Variants in TCF12 observed in about 807,000 individuals in gnomAD.
The protein encoded by TCF12 is transcription factor 12.
Under a neutral mutation model 86.0 loss-of-function variants are expected in TCF12, and 45 were observed. The observed-to-expected ratio is 0.52, with a 90% confidence interval of 0.41 to 0.67. The LOEUF is 0.67. Ranked by LOEUF, TCF12 falls within the 30% of genes least tolerant of loss-of-function variation. The probability of loss-of-function intolerance (pLI) is 0.00; values close to 1 mark genes in which losing one functional copy is unlikely to be tolerated. For synonymous variants in TCF12, 330 were observed against 299.6 expected, an observed-to-expected ratio of 1.10 and a Z score of -1.05; for missense variants, 881 against 859.9, an observed-to-expected ratio of 1.02 and a Z score of -0.31.
At chr15:57,232,623 G>A in intron 10 of TCF12, 89 bp from the exon 11 acceptor site, 1 of 1,466,054 alleles carries the variant, frequency 6.8e-7, no homozygotes, top group Non-Finnish European at 9.2e-7. Context: ...ACTTGTAAAT[G>A]CTCTTTTTGA....
chr15:57,133,626 T>G (rs559834400), intron 5 of TCF12, among the ~76,000 whole-genome samples: 8 of 128,888 alleles, frequency 6.2e-5, no homozygotes, highest in East Asian at 4.0e-4. Context: ...AGTAATGTGT[T>G]TTTTTTTTTT....
intron 3 of TCF12, among the ~76,000 whole-genome samples, chr15:56,928,270 A>G (rs868755609): frequency 1.3e-5 from 2 of 152,144 alleles, no homozygotes; most frequent in Non-Finnish European, 2.9e-5. Context: ...TTTTTTTCCT[A>G]TAAAGCTGCT....
intron 5 of TCF12, among the ~76,000 whole-genome samples, chr15:57,134,668 A>G (rs1391927213): frequency 6.6e-6 from 1 of 152,190 alleles, no homozygotes; most frequent in East Asian, 1.9e-4. Flanking sequence ...ATCATTCATT[A>G]TTTTGCCAGA....
Position 57,241,365 on chromosome 15 carries a change from T to G in TCF12, c.1036-2107T>G, listed in dbSNP as rs532823414. On this transcript the variant is annotated intron_variant, in intron 12 of 20. Coordinates refer to ENST00000333725, the MANE Select transcript of TCF12 (RefSeq NM_207037.2). Reference sequence around the variant, plus strand: ...CCTCGGCCTCCCAAAGTGCTGGGATTATAGGCGTGAGCTACCGCACCCGGC... The same window carrying G: ...CCTCGGCCTCCCAAAGTGCTGGGATGATAGGCGTGAGCTACCGCACCCGGC... Among the ~76,000 whole-genome samples the G allele has an allele frequency of 2.0e-5, 3 of 152,256 alleles. No homozygotes were observed. In the South Asian group the frequency reaches 6.2e-4, roughly 32 times the overall value.
At chr15:57,283,487 A>G (rs2061790169) in intron 20 of TCF12, among the ~76,000 whole-genome samples, 1 of 151,886 alleles carries the variant, frequency 6.6e-6, no homozygotes, top group East Asian at 1.9e-4. Flanking sequence ...CTGGTCTCGA[A>G]CTCCTAACCT....
intron 4 of TCF12, among the ~76,000 whole-genome samples, chr15:57,087,867 A>C (rs2048749540): frequency 6.6e-6 from 1 of 152,156 alleles, no homozygotes; most frequent in South Asian, 2.1e-4. Flanking sequence ...TTCTGATAGT[A>C]TTGCTCTGTC....
rs67591734 is a variant in TCF12 at position 57,239,515 on chromosome 15, C to CAA, written c.1036-3941_1036-3940dup. ...TGGGCAACAGAGCAAGACTCCATCT[C>CAA]AAAAAAAAAAAAAAAAAGTTTTTGA... On this transcript the variant is annotated intron_variant, in intron 12 of 20. Transcript: ENST00000333725. Among the ~76,000 whole-genome samples the CAA allele has an allele frequency of 4.1e-3, 434 of 106,954 alleles. 10 individuals carry two copies. The highest frequency in any genetic ancestry group is 4.1e-3 in the Non-Finnish European group (234 of 57,366). The allele number at this position is 106,954 out of a possible 152,430, so 70.2% of individuals were successfully genotyped here.
At chr15:57,151,406 CAG>C (rs1382447371) in intron 5 of TCF12, among the ~76,000 whole-genome samples, 1 of 151,940 alleles carries the variant, frequency 6.6e-6, no homozygotes, top group Non-Finnish European at 1.5e-5. Context: ...GGCATAGAAA[CAG>C]AAACTATCCA....
chr15:56,950,075 G>A (rs75352825), intron 3 of TCF12, among the ~76,000 whole-genome samples: 6,141 of 152,248 alleles, frequency 0.04, 371 homozygotes, highest in Admixed American at 0.17. Context: ...CAAGGTGATT[G>A]AATGTATACA....
intron 6 of TCF12, among the ~76,000 whole-genome samples, chr15:57,172,419 C>T (rs925459633): frequency 7.2e-5 from 11 of 152,152 alleles, no homozygotes; most frequent in African/African-American, 2.7e-4. Context: ...ACTCTGCATA[C>T]AACAACTGAA....
intron 8 of TCF12, among the ~76,000 whole-genome samples, chr15:57,210,565 C>A (rs995476213): frequency 2.6e-5 from 4 of 152,094 alleles, no homozygotes; most frequent in Admixed American, 1.3e-4. Context: ...TAGATGAGAG[C>A]TAGGAAGTCA....
At chr15:57,126,433 A>T (rs1328308911) in intron 5 of TCF12, among the ~76,000 whole-genome samples, 1 of 152,144 alleles carries the variant, frequency 6.6e-6, no homozygotes, top group Non-Finnish European at 1.5e-5. Context: ...CAGATTTCAT[A>T]ATCTCTACTC....
At chr15:57,054,060 G>A (rs2067819301) in intron 3 of TCF12, among the ~76,000 whole-genome samples, 1 of 152,120 alleles carries the variant, frequency 6.6e-6, no homozygotes, top group Admixed American at 6.5e-5. Flanking sequence ...GAATTGAGTG[G>A]CAGTTTTGTA....
chr15:56,984,145 A>G (rs898392951), intron 3 of TCF12, among the ~76,000 whole-genome samples: 1 of 152,004 alleles, frequency 6.6e-6, no homozygotes, highest in African/African-American at 2.4e-5. Context: ...TATGAACCAT[A>G]TATGTTTCTG....
chr15:57,211,955 T>C (rs1371910117), intron 8 of TCF12, among the ~76,000 whole-genome samples: 4 of 96,694 alleles, frequency 4.1e-5, no homozygotes, highest in African/African-American at 1.4e-4. Flanking sequence ...CTTTGAGACA[T>C]ACACACACAC....
intron 8 of TCF12, among the ~76,000 whole-genome samples, chr15:57,218,671 C>A (rs1181708023): frequency 3.3e-5 from 5 of 151,966 alleles, no homozygotes; most frequent in African/African-American, 1.2e-4. Context: ...TAAGAACAGT[C>A]CTATTGCAGG....
intron 6 of TCF12, among the ~76,000 whole-genome samples, chr15:57,184,340 T>C (rs562010329): frequency 4.4e-4 from 67 of 152,304 alleles, no homozygotes; most frequent in African/African-American, 1.5e-3. Flanking sequence ...CTTTCTCCTC[T>C]AAGCTCTGGT....
chr15:57,032,140 A>G (rs2066236178), intron 3 of TCF12, among the ~76,000 whole-genome samples: 1 of 152,218 alleles, frequency 6.6e-6, no homozygotes, highest in African/African-American at 2.4e-5. Flanking sequence ...GAAGTCGTAT[A>G]CAGACACCTT....
chr15:57,244,862 G>A (rs1378007489), intron 13 of TCF12, among the ~76,000 whole-genome samples: 2 of 151,744 alleles, frequency 1.3e-5, no homozygotes, highest in Non-Finnish European at 2.9e-5. Context: ...TGATGTTATT[G>A]TAAACGGGAT....
Sources: allele counts gnomAD v4.1 joint callset (sites outside exome capture counted in the v4.1 genomes callset), GRCh38; gene constraint gnomAD v4.1.1; transcripts MANE v1.5; gene names NCBI Gene and HGNC (gene_info 2026-07-23, HGNC 2026-07-21).